Variants in DNM3 observed in about 807,000 individuals in gnomAD.
The protein encoded by DNM3 is dynamin 3.
DNM3 carries 47 observed loss-of-function variants against 101.6 expected under a neutral mutation model. The ratio of observed to expected loss-of-function variants is 0.46; its 90% CI spans 0.37 to 0.59. DNM3 has a LOEUF of 0.59. DNM3 is among the 20% of genes least tolerant of loss of function. The pLI is 0.00. For synonymous variants in DNM3, 385 were observed against 387.9 expected (o/e 0.99, Z 0.09); for missense variants, 849 against 1,085.7 (o/e 0.78, Z 3.06).
chr1:171,945,229 G>A (rs547915751), intron 2 of DNM3, among the ~76,000 whole-genome samples: 7 of 151,602 alleles, frequency 4.6e-5, no homozygotes, highest in East Asian at 3.9e-4. Flanking sequence ...TTTTTTCCAA[G>A]AAAAGAATGA....
intron 4 of DNM3, among the ~76,000 whole-genome samples, chr1:172,024,801 A>C (rs1416372851): frequency 1.3e-5 from 2 of 152,212 alleles, no homozygotes. Flanking sequence ...CGGTCTTCAC[A>C]ACCTACAGGC....
At chr1:172,027,702 G>C (rs2048314319) in intron 4 of DNM3, among the ~76,000 whole-genome samples, 1 of 151,898 alleles carries the variant, frequency 6.6e-6, no homozygotes, top group Non-Finnish European at 1.5e-5. Context: ...GACACACATA[G>C]ACTCAAAATA....
chr1:171,868,478 G>A (rs1191711347), intron 1 of DNM3, among the ~76,000 whole-genome samples: 2 of 152,190 alleles, frequency 1.3e-5, no homozygotes, highest in African/African-American at 4.8e-5. Context: ...GCGTGAATAA[G>A]TGGAAATTTT....
At chr1:172,214,508 C>T (rs1334610639) in intron 14 of DNM3, among the ~76,000 whole-genome samples, 3 of 113,856 alleles carry the variant, frequency 2.6e-5, no homozygotes, top group Non-Finnish European at 3.9e-5. Context: ...CACATACACA[C>T]ACCTCATCCC....
At chr1:172,158,167 C>G (rs111751102) in intron 14 of DNM3, among the ~76,000 whole-genome samples, 82 of 152,002 alleles carry the variant, frequency 5.4e-4, no homozygotes, top group African/African-American at 1.9e-3. Flanking sequence ...AGGAAAGAGC[C>G]TTTCAAATGG....
In DNM3 at chr1:172,108,369, G is replaced by T. The variant is rs77351355; in HGVS notation, c.1545+15494G>T. 6.7e-4 allele frequency among the ~76,000 whole-genome samples: 101 copies of T among 151,870 alleles called. 1 individual carries two copies. Among genetic ancestry groups the T allele is most frequent in the African/African-American group, 2.2e-3 (89 of 41,390 alleles). On this transcript the variant is annotated intron_variant, in intron 13 of 20. Transcript: ENST00000627582. ...TGTGGAACCATTTTTACTTTCCCTT[G>T]GGAGTAATTTGCATGGTACAGCAAG...
intron 1 of DNM3, among the ~76,000 whole-genome samples, chr1:171,894,805 CA>C (rs1307912493): frequency 5.2e-5 from 5 of 96,942 alleles, no homozygotes; most frequent in African/African-American, 2.0e-4. Flanking sequence ...TCTCGTTGTT[CA>C]ATTTCCCACC....
intron 20 of DNM3, among the ~76,000 whole-genome samples, chr1:172,406,754 C>T (rs1558101417): frequency 2.0e-5 from 3 of 151,628 alleles, no homozygotes; most frequent in Non-Finnish European, 4.4e-5. Context: ...TTCTTCATAC[C>T]TGAGAAAGGA....
chr1:172,079,631 A>C (rs1010260438), intron 11 of DNM3, among the ~76,000 whole-genome samples: 1 of 152,126 alleles, frequency 6.6e-6, no homozygotes, highest in African/African-American at 2.4e-5. Context: ...TCAATTAATC[A>C]TACTCATTCT....
chr1:171,899,098 T>G (rs1244489563), intron 1 of DNM3, among the ~76,000 whole-genome samples: 1 of 152,224 alleles, frequency 6.6e-6, no homozygotes, highest in Non-Finnish European at 1.5e-5. Flanking sequence ...CTGTTTGTTG[T>G]TAGCCCAGCT....
At chr1:172,091,488 T>C (rs1270787360) in intron 12 of DNM3, among the ~76,000 whole-genome samples, 1 of 152,172 alleles carries the variant, frequency 6.6e-6, no homozygotes, top group Non-Finnish European at 1.5e-5. Context: ...AAAGAGATGT[T>C]GGGAACCATG....
intron 11 of DNM3, among the ~76,000 whole-genome samples, chr1:172,078,193 C>T (rs868263741): frequency 9.9e-5 from 15 of 152,040 alleles, no homozygotes; most frequent in African/African-American, 3.4e-4. Flanking sequence ...CCTGGGTTCA[C>T]GCCATTCTCC....
At chr1:172,203,447 G>C (rs1419589186) in intron 14 of DNM3, among the ~76,000 whole-genome samples, 1 of 152,188 alleles carries the variant, frequency 6.6e-6, no homozygotes, top group Non-Finnish European at 1.5e-5. Context: ...TAAGGGAACA[G>C]CATTTTAGCA....
At chr1:172,337,926 A>ATT (rs1346455831) in intron 17 of DNM3, among the ~76,000 whole-genome samples, 13 of 101,526 alleles carry the variant, frequency 1.3e-4, no homozygotes, top group African/African-American at 1.8e-4. Context: ...ATTTTATTTT[A>ATT]TTATTTTGAG....
intron 2 of DNM3, among the ~76,000 whole-genome samples, chr1:171,951,308 G>A (rs962968454): frequency 6.6e-6 from 1 of 152,062 alleles, no homozygotes; most frequent in Non-Finnish European, 1.5e-5. Context: ...CTCATATTCT[G>A]AACTCTCCAA....
intron 2 of DNM3, among the ~76,000 whole-genome samples, chr1:171,979,190 G>A (rs1177116510): frequency 6.6e-6 from 1 of 152,166 alleles, no homozygotes; most frequent in African/African-American, 2.4e-5. Flanking sequence ...GAGGACAATC[G>A]TGTCAGATGC....
chr1:172,068,832 C>A lies in DNM3; in HGVS notation c.1349C>A (p.Pro450His), dbSNP rs1300793137. ...TTTTCTTGACAGCTGGCAAACTTCC[C>A]CAGACTCTGCGAGGAAACGGAAAGG... ...KKCTKKLANF[P>H]RLCEETERIV... Residue 450 changes from proline to histidine, a missense_variant, in exon 11 of 21, where the codon CCC becomes CAC. Physicochemically the swap from Pro to His is moderately conservative, Grantham distance 77. Around this residue, in one of 5 missense-constraint regions of DNM3, gnomAD observed 193 missense variants for 238.4 expected, o/e 0.81. Coordinates refer to ENST00000627582, the MANE Select transcript of DNM3 (RefSeq NM_015569.5). 3 of 1,571,520 alleles carry A rather than the reference C, an allele frequency of 1.9e-6. No individual in the cohort carries two copies. Among genetic ancestry groups the A allele is most frequent in the East Asian group, 2.3e-5 (1 of 42,808 alleles).
chr1:172,124,552 G>A (rs1274171189), intron 13 of DNM3, among the ~76,000 whole-genome samples: 2 of 152,190 alleles, frequency 1.3e-5, no homozygotes, highest in Admixed American at 6.5e-5. Flanking sequence ...GCTTCCTGAG[G>A]AGACATTCTC....
chr1:172,411,344 T>C lies in DNM3; in HGVS notation c.*3503T>C. 1.0e-6 allele frequency: 1 copy of C among 985,102 alleles called. No homozygotes were observed. Among genetic ancestry groups the C allele is most frequent in the Non-Finnish European group, 1.2e-6 (1 of 829,666 alleles). 61.0% of individuals were successfully genotyped at this position (985,102 alleles called of 1,614,324 possible). A position where few individuals can be genotyped will look rare whatever the true frequency, so the allele number is the denominator to read the frequency against. On this transcript the variant is annotated 3_prime_UTR_variant, in exon 21 of 21. Coordinates refer to ENST00000627582, the MANE Select transcript of DNM3 (RefSeq NM_015569.5). ...ACAACATGGTAATGTCCATAGACAT[T>C]TGTATCTGAATCCACAAGAAGATCT...
Sources: allele counts gnomAD v4.1 joint callset (sites outside exome capture counted in the v4.1 genomes callset), GRCh38; gene constraint gnomAD v4.1.1; regional missense constraint gnomAD v4.1.1; transcripts MANE v1.5; gene names NCBI Gene and HGNC (gene_info 2026-07-23, HGNC 2026-07-21).